Variants in MGRN1 observed in about 807,000 individuals in gnomAD.
The protein encoded by MGRN1 is mahogunin ring finger 1, also known as E3 ubiquitin-protein ligase MGRN1.
A neutral mutation model predicts 69.2 loss-of-function variants in MGRN1; 29 were observed. That is an observed-to-expected ratio of 0.42 (90% CI 0.31 to 0.57). MGRN1 has a LOEUF of 0.57. Among genes scored for constraint, MGRN1 ranks in the 20% least tolerant of loss-of-function variants. The probability of loss-of-function intolerance (pLI) is 0.15; values close to 1 mark genes in which losing one functional copy is unlikely to be tolerated. For synonymous variants in MGRN1, 470 were observed against 344.2 expected, an observed-to-expected ratio of 1.37 and a Z score of -4.04; for missense variants, 998 against 796.2, an observed-to-expected ratio of 1.25 and a Z score of -3.05.
intron 11 of MGRN1, among the ~76,000 whole-genome samples, chr16:4,678,115 G>C (rs1175507601): frequency 6.6e-6 from 1 of 152,188 alleles, no homozygotes; most frequent in African/African-American, 2.4e-5. Context: ...CCACAGTGCT[G>C]GGATTACAGG....
chr16:4,687,601 A>G, intron 16 of MGRN1: 1 of 984,918 alleles, frequency 1.0e-6, no homozygotes, highest in Non-Finnish European at 1.2e-6. Context: ...ACACACACAC[A>G]CACACACGGG....
chr16:4,686,020 C>T (rs568876812), intron 16 of MGRN1, among the ~76,000 whole-genome samples: 15 of 152,344 alleles, frequency 9.8e-5, no homozygotes, highest in African/African-American at 3.4e-4. Flanking sequence ...CTTCCCTAGG[C>T]TGCGGCAGCG....
chr16:4,658,628 C>T (rs537061392), intron 5 of MGRN1, among the ~76,000 whole-genome samples: 1 of 152,188 alleles, frequency 6.6e-6, no homozygotes, highest in East Asian at 1.9e-4. Flanking sequence ...GCCTCATGAG[C>T]TGACTTACGC....
chr16:4,684,367 C>T (rs369321363), intron 16 of MGRN1, among the ~76,000 whole-genome samples: 113 of 152,362 alleles, frequency 7.4e-4, no homozygotes, highest in African/African-American at 2.1e-3. Flanking sequence ...GTGCCACGTG[C>T]GCTCCTGGCA....
intron 5 of MGRN1, among the ~76,000 whole-genome samples, chr16:4,659,599 T>A (rs2078630342): frequency 6.6e-6 from 1 of 152,304 alleles, no homozygotes; most frequent in African/African-American, 2.4e-5. Context: ...TTGGTGAGGG[T>A]TTGCTGAGGA....
At chr16:4,629,026 G>A (rs189636457) in intron 1 of MGRN1, among the ~76,000 whole-genome samples, 3 of 151,944 alleles carry the variant, frequency 2.0e-5, no homozygotes, top group South Asian at 2.1e-4. Flanking sequence ...TAGTAGACAC[G>A]GGGTTTCACT....
intron 8 of MGRN1, among the ~76,000 whole-genome samples, chr16:4,668,688 G>T (rs984583199): frequency 6.7e-6 from 1 of 149,438 alleles, no homozygotes; most frequent in African/African-American, 2.5e-5. Flanking sequence ...AGACACACTC[G>T]TACACATACA....
chr16:4,626,828 T>A (rs758897916), intron 1 of MGRN1, among the ~76,000 whole-genome samples: 26 of 152,214 alleles, frequency 1.7e-4, no homozygotes, highest in Non-Finnish European at 3.7e-4. Flanking sequence ...CAGCCACTAT[T>A]GGTTGGCACT....
At chr16:4,629,282 G>T (rs1183393484) in intron 1 of MGRN1, among the ~76,000 whole-genome samples, 1 of 151,900 alleles carries the variant, frequency 6.6e-6, no homozygotes, top group Non-Finnish European at 1.5e-5. Context: ...TATGTGTTCT[G>T]GATAGGATTC....
At chr16:4,680,214 G>C in intron 12 of MGRN1, 117 bp downstream of exon 12, 1 of 1,014,592 alleles carries the variant, frequency 9.9e-7, no homozygotes, top group Admixed American at 2.2e-5. Context: ...TAACCCGTCA[G>C]CTCCACTTGC....
intron 16 of MGRN1, among the ~76,000 whole-genome samples, chr16:4,685,208 G>C (rs2079281492): frequency 6.6e-6 from 1 of 152,124 alleles, no homozygotes; most frequent in Non-Finnish European, 1.5e-5. Context: ...AAAAACTTGG[G>C]GGGTGATCGG....
At chr16:4,640,603 G>A (rs1435170573) in intron 1 of MGRN1, 3 of 152,338 alleles carry the variant, frequency 2.0e-5, no homozygotes, top group Admixed American at 2.0e-4. Context: ...GAGGCCCTGG[G>A]TCCTTGAGTG....
chr16:4,675,932 G>A (rs1238976085), intron 10 of MGRN1, among the ~76,000 whole-genome samples: 1 of 152,238 alleles, frequency 6.6e-6, no homozygotes, highest in Non-Finnish European at 1.5e-5. Flanking sequence ...CCAGGTCAAA[G>A]TGCACATCCC....
At chr16:4,688,398 C>T in intron 16 of MGRN1, 1 of 1,018,696 alleles carries the variant, frequency 9.8e-7, no homozygotes, top group Non-Finnish European at 1.2e-6. Context: ...ACCCCTGCAC[C>T]CTGGGTTGAC....
At chr16:4,676,674 G>A (rs2079059858) in intron 10 of MGRN1, among the ~76,000 whole-genome samples, 2 of 152,140 alleles carry the variant, frequency 1.3e-5, no homozygotes, top group Non-Finnish European at 2.9e-5. Flanking sequence ...TGGTTTGGTG[G>A]TTCGGTTTCC....
chr16:4,684,095 G>A (rs2079252221), intron 16 of MGRN1, among the ~76,000 whole-genome samples, 163 bp downstream of exon 16: 1 of 152,264 alleles, frequency 6.6e-6, no homozygotes, highest in African/African-American at 2.4e-5. Flanking sequence ...CGTGAAGCAG[G>A]ATGCGGGCCA....
At chr16:4,669,686 C>G (rs1371158160) in intron 8 of MGRN1, among the ~76,000 whole-genome samples, 1 of 152,198 alleles carries the variant, frequency 6.6e-6, no homozygotes, top group African/African-American at 2.4e-5. Flanking sequence ...ACTCCTTCTC[C>G]TCTTCCTTAC....
chr16:4,682,939 C>G lies in MGRN1; in HGVS notation c.1475C>G (p.Ser492Cys). Residue 492 changes from serine to cysteine, a missense_variant, in exon 14 of 17, where the codon TCC becomes TGC. Ser to Cys is a moderately radical substitution (Grantham distance 112, BLOSUM62 -1). Coordinates refer to ENST00000262370, the MANE Select transcript of MGRN1 (RefSeq NM_015246.4). ...GAGCTGGCCCTGCGGGAAAGCAGCT[C>G]CCCTGAGGTGAGGCCCCCCCGGGGA... is the stretch of plus-strand genomic sequence containing the variant. ...GAELALRESS[S>C]PESFITEEVD... 1.3e-6 allele frequency: 2 copies of G among 1,579,096 alleles called. No homozygotes were observed.
intron 9 of MGRN1, among the ~76,000 whole-genome samples, chr16:4,672,174 G>A (rs1250172096): frequency 6.6e-6 from 1 of 152,124 alleles, no homozygotes; most frequent in Non-Finnish European, 1.5e-5. Context: ...AAAGTGCTGG[G>A]ATTACAGGCG....
Sources: gnomAD v4.1 joint callset for allele counts (sites outside exome capture counted in the v4.1 genomes callset) on GRCh38, gnomAD v4.1.1 for gene constraint, MANE v1.5 for transcripts, NCBI Gene and HGNC (gene_info 2026-07-23, HGNC 2026-07-21) for gene names.